SLC38A1: variants seen among roughly 807,000 people sequenced by gnomAD.
The protein encoded by SLC38A1 is solute carrier family 38 member 1.
SLC38A1 carries 18 observed loss-of-function variants against 60.3 expected under a neutral mutation model. The observed-to-expected ratio is 0.30, with a 90% CI of 0.21 to 0.44. The LOEUF is 0.44. Among genes scored for constraint, SLC38A1 ranks in the 20% least tolerant of loss-of-function variants. The pLI, the probability that SLC38A1 is intolerant of heterozygous loss-of-function variation, is 1.00. For synonymous variants in SLC38A1, 196 were observed against 212.1 expected, an observed-to-expected ratio of 0.92 and a Z score of 0.66; for missense variants, 448 against 587.2, an observed-to-expected ratio of 0.76 and a Z score of 2.45.
At position 46,247,285 on chromosome 12, in the gene SLC38A1, G is replaced by GA. The variant is rs1359544083; in HGVS notation, c.-208-3972dup. Among the ~76,000 whole-genome samples the GA allele has an allele frequency of 4.6e-5, 7 of 152,084 alleles. 1 individual carries two copies. Among genetic ancestry groups the GA allele is most frequent in the African/African-American group, 1.7e-4 (7 of 41,420 alleles). ...CCATCACAAGGAAGCTAAAAACCTT[G>GA]AAAAAACATTAGATGAATGGCTAAC... On this transcript the variant is annotated intron_variant, in intron 1 of 16. Transcript: ENST00000398637.
intron 1 of SLC38A1, among the ~76,000 whole-genome samples, chr12:46,259,214 A>G (rs1942125391): frequency 6.6e-6 from 1 of 152,212 alleles, no homozygotes; most frequent in African/African-American, 2.4e-5. Context: ...CAATGGTTCT[A>G]TAATTCCGGG....
intron 1 of SLC38A1, among the ~76,000 whole-genome samples, chr12:46,261,333 G>C (rs1274048951): frequency 6.6e-6 from 1 of 152,100 alleles, no homozygotes; most frequent in African/African-American, 2.4e-5. Flanking sequence ...TCTTACAGCA[G>C]TTTCGTGTAG....
At chr12:46,214,102 A>G (rs2137421135) in intron 5 of SLC38A1, among the ~76,000 whole-genome samples, 1 of 152,340 alleles carries the variant, frequency 6.6e-6, no homozygotes, top group South Asian at 2.1e-4. Context: ...GTCATTGCAC[A>G]TAAACAAGCT....
chr12:46,268,530 G>A lies in SLC38A1; in HGVS notation c.-213C>T, dbSNP rs73280725. 0.012 allele frequency: 2,005 copies of A among 165,896 alleles called. 44 individuals are homozygous for A. The highest frequency in any genetic ancestry group is 0.044 in the African/African-American group (1,862 of 42,100). 10.3% of individuals were successfully genotyped at this position (165,896 alleles called of 1,614,324 possible). A position where few individuals can be genotyped will look rare whatever the true frequency, so the allele number is the denominator to read the frequency against. On this transcript the variant is annotated 5_prime_UTR_variant, in exon 1 of 17. Coordinates refer to ENST00000398637, the MANE Select transcript of SLC38A1 (RefSeq NM_030674.4). This position sits in a 1 kb window ranked among gnomAD's most constrained non-coding sequence, Gnocchi z 4.4. Reference sequence around the variant, plus strand: ...GGGAACGGATAATCACCTTACCTCCGGAAATAAAGGGAAAGGTGGCAAAAG... The same window carrying A: ...GGGAACGGATAATCACCTTACCTCCAGAAATAAAGGGAAAGGTGGCAAAAG...
intron 3 of SLC38A1, among the ~76,000 whole-genome samples, chr12:46,238,415 T>A (rs578089093): frequency 6.6e-6 from 1 of 152,324 alleles, no homozygotes; most frequent in East Asian, 1.9e-4. Flanking sequence ...ACATACTTTA[T>A]CAGAATGTAG....
intron 5 of SLC38A1, among the ~76,000 whole-genome samples, chr12:46,218,916 G>A (rs1263083748): frequency 2.0e-5 from 3 of 152,138 alleles, no homozygotes; most frequent in Non-Finnish European, 4.4e-5. Flanking sequence ...ACCAGTCTGG[G>A]TGGTGTCAGC....
intron 1 of SLC38A1, among the ~76,000 whole-genome samples, chr12:46,251,971 A>G (rs1170605792): frequency 6.6e-6 from 1 of 152,198 alleles, no homozygotes; most frequent in Non-Finnish European, 1.5e-5. Context: ...CATTTGACCC[A>G]GCAATCCCAT....
At chr12:46,256,636 C>CACACACAGAGAGAGAG (rs142176282) in intron 1 of SLC38A1, among the ~76,000 whole-genome samples, 1 of 123,204 alleles carries the variant, frequency 8.1e-6, no homozygotes, top group African/African-American at 3.4e-5. Context: ...CACACACACA[C>CACACACAGAGAGAGAG]AGAGAGAGAG....
intron 1 of SLC38A1, among the ~76,000 whole-genome samples, chr12:46,266,394 A>C (rs59702903): frequency 6.6e-6 from 1 of 152,238 alleles, no homozygotes; most frequent in Non-Finnish European, 1.5e-5. Flanking sequence ...TTTAAAATCT[A>C]TTCATCTATC....
chr12:46,219,710 C>G (rs567437869), intron 5 of SLC38A1, among the ~76,000 whole-genome samples: 18 of 152,354 alleles, frequency 1.2e-4, no homozygotes, highest in Admixed American at 6.5e-4. Flanking sequence ...TGTGATAACT[C>G]CAACCTGGCC....
intron 16 of SLC38A1, among the ~76,000 whole-genome samples, chr12:46,191,046 T>G (rs1392164759): frequency 6.6e-6 from 1 of 152,206 alleles, no homozygotes; most frequent in Non-Finnish European, 1.5e-5. Flanking sequence ...GGTTTTCTTC[T>G]AGGGTTGTTA....
intron 5 of SLC38A1, among the ~76,000 whole-genome samples, chr12:46,223,584 T>TC (rs1159692812): frequency 1.3e-5 from 2 of 152,024 alleles, no homozygotes; most frequent in Non-Finnish European, 2.9e-5. Context: ...TCTTTTTCAC[T>TC]CCCACAACCA....
At chr12:46,222,267 G>T (rs1302344488) in intron 5 of SLC38A1, among the ~76,000 whole-genome samples, 1 of 151,770 alleles carries the variant, frequency 6.6e-6, no homozygotes, top group Non-Finnish European at 1.5e-5. Context: ...CTAAAAGCAG[G>T]TTAAAAATAA....
chr12:46,191,095 G>C (rs1939126428), intron 16 of SLC38A1, among the ~76,000 whole-genome samples: 1 of 152,186 alleles, frequency 6.6e-6, no homozygotes. Flanking sequence ...AACCCATCTT[G>C]AGTTAATTTT....
At chr12:46,213,434 T>C (rs969883826) in intron 5 of SLC38A1, among the ~76,000 whole-genome samples, 1 of 152,238 alleles carries the variant, frequency 6.6e-6, no homozygotes, top group African/African-American at 2.4e-5. Context: ...TTTACTTATA[T>C]ATCAACCACT....
chr12:46,206,088 T>C lies in SLC38A1; in HGVS notation c.638A>G (p.Lys213Arg). 2.5e-6 allele frequency: 4 copies of C among 1,608,872 alleles called. No homozygotes were observed. The highest frequency in any genetic ancestry group is 3.4e-6 in the Non-Finnish European group (4 of 1,176,248). Residue 213 changes from lysine to arginine, a missense_variant, in exon 9 of 17, where the codon AAG becomes AGG. Physicochemically the swap from Lys to Arg is conservative, Grantham distance 26 (BLOSUM62 2). This residue lies in a region of SLC38A1 where 346 missense variants were observed against 497.5 expected (regional missense o/e 0.70). Transcript: ENST00000398637. Reference protein sequence around the residue: ...FGIILPLCLLKNLGYLGYTSG... With the variant: ...FGIILPLCLLRNLGYLGYTSG... ...GCAAAATCTGTCCTTACCTAAGTTC[T>C]TCAAGAGACACAGAGGGAGAATTAT...
chr12:46,216,726 G>A (rs898800440), intron 5 of SLC38A1, among the ~76,000 whole-genome samples: 9 of 152,112 alleles, frequency 5.9e-5, no homozygotes, highest in African/African-American at 9.7e-5. Context: ...TGGGCATAGC[G>A]GCGTATGCCT....
Position 46,206,112 on chromosome 12 carries a change from A to G in SLC38A1, c.614T>C (p.Ile205Thr). 2 of 1,612,362 alleles carry G rather than the reference A, an allele frequency of 1.2e-6. No homozygotes were observed. The highest frequency in any genetic ancestry group is 1.7e-6 in the Non-Finnish European group (2 of 1,178,840). Residue 205 changes from isoleucine to threonine, a missense_variant, in exon 9 of 17, where the codon ATA becomes ACA. By Grantham distance (89) the Ile-to-Thr change is moderately conservative (BLOSUM62 -1). This residue lies in a region of SLC38A1 where 346 missense variants were observed against 497.5 expected (regional missense o/e 0.70). Transcript: ENST00000398637. Reference sequence around the variant, plus strand: ...CTTCAAGAGACACAGAGGGAGAATTATGCCAAAGGTAACTATCACCACCAG... The same window carrying G: ...CTTCAAGAGACACAGAGGGAGAATTGTGCCAAAGGTAACTATCACCACCAG... Reference protein sequence around the residue: ...RVLVVIVTFGIILPLCLLKNL... With the variant: ...RVLVVIVTFGTILPLCLLKNL...
chr12:46,233,002 G>A (rs1477394848), intron 3 of SLC38A1, among the ~76,000 whole-genome samples: 1 of 152,004 alleles, frequency 6.6e-6, no homozygotes, highest in Non-Finnish European at 1.5e-5. Flanking sequence ...AATGTATTTC[G>A]TCAAGCTAAT....
Sources: gnomAD v4.1 joint callset for allele counts (sites outside exome capture counted in the v4.1 genomes callset) on GRCh38, gnomAD v4.1.1 for gene constraint, gnomAD v4.1.1 regional missense constraint, Gnocchi (gnomAD v3.1) non-coding constraint, MANE v1.5 for transcripts, NCBI Gene and HGNC (gene_info 2026-07-23, HGNC 2026-07-21) for gene names.